The following UBL7 variants were observed in gnomAD, a reference collection of about 807,000 sequenced individuals.
UBL7 encodes ubiquitin like 7.
Under a neutral mutation model 41.7 loss-of-function variants are expected in UBL7, and 21 were observed. That is an observed-to-expected ratio of 0.50 (90% CI 0.36 to 0.73). UBL7 has a LOEUF of 0.73. Among genes scored for constraint, UBL7 ranks in the 30% least tolerant of loss-of-function variants. The probability of loss-of-function intolerance (pLI) is 0.00; values close to 1 mark genes in which losing one functional copy is unlikely to be tolerated. For synonymous variants in UBL7, 157 were observed against 186.9 expected, an observed-to-expected ratio of 0.84 and a Z score of 1.31; for missense variants, 403 against 478.4, an observed-to-expected ratio of 0.84 and a Z score of 1.47.
At chr15:74,448,446 C>T in intron 10 of UBL7, 32 bp downstream of exon 10, 1 of 1,611,778 alleles carries the variant, frequency 6.2e-7, no homozygotes. Context: ...ACAAGGAAGC[C>T]ACATGGAAAC....
chr15:74,449,749 T>G, intron 7 of UBL7, 74 bp from the exon 8 acceptor site: 1 of 1,595,534 alleles, frequency 6.3e-7, no homozygotes, highest in South Asian at 1.1e-5. Context: ...TCAGCTCAAG[T>G]TACTCTCCAA....
In UBL7 at chr15:74,461,130, C is replaced by G. The variant is rs896585789; in HGVS notation, c.-123G>C. 1.0e-6 allele frequency: 1 copy of G among 997,044 alleles called. No individual in the cohort carries two copies. The highest frequency in any genetic ancestry group is 5.7e-5 in the Admixed American group (1 of 17,556). 61.8% of individuals were successfully genotyped at this position (997,044 alleles called of 1,614,324 possible). ...CACCCGTCCCGCGGAAGGAACCCGG[C>G]CGCACTGCCGCCGGTGTAAACACTC... On this transcript the variant is annotated 5_prime_UTR_variant, in exon 1 of 11. Coordinates refer to ENST00000395081, the MANE Select transcript of UBL7 (RefSeq NM_032907.5).
chr15:74,448,750 T>A, intron 9 of UBL7, 150 bp from the exon 10 acceptor site: 1 of 1,157,104 alleles, frequency 8.6e-7, no homozygotes, highest in Non-Finnish European at 1.2e-6. Flanking sequence ...CAAACAAAGG[T>A]AACTAGAAGC....
At chr15:74,452,911 C>G (rs1442080786) in intron 3 of UBL7, among the ~76,000 whole-genome samples, 2 of 152,128 alleles carry the variant, frequency 1.3e-5, no homozygotes, top group African/African-American at 4.8e-5. Context: ...GGGGTTTCAC[C>G]ATATTGGTCA....
intron 2 of UBL7, among the ~76,000 whole-genome samples, chr15:74,456,954 C>T (rs112717743): frequency 0.2 from 30,599 of 151,956 alleles, 4,498 homozygotes; most frequent in African/African-American, 0.37. Flanking sequence ...GGACTACAGG[C>T]ACATGCCACC....
chr15:74,451,279 G>A (rs530317113), intron 5 of UBL7, among the ~76,000 whole-genome samples, 157 bp downstream of exon 5: 1 of 152,282 alleles, frequency 6.6e-6, no homozygotes, highest in South Asian at 2.1e-4. Flanking sequence ...AGCTCTTAAA[G>A]GGCTGGGGAT....
rs577487959 is a variant in UBL7 at position 74,455,863 on chromosome 15, G to A, written c.304+689C>T. ...TTGAAGGCCGGGTACAGTGGCTCAC[G>A]CCTTTAATCCCAGCACTTTGGGAGG... On this transcript the variant is annotated intron_variant, in intron 3 of 10. Transcript: ENST00000395081. 1.5e-3 allele frequency among the ~76,000 whole-genome samples: 227 copies of A among 152,168 alleles called. 1 individual carries two copies. The highest frequency in any genetic ancestry group is 5.2e-3 in the African/African-American group (216 of 41,532).
chr15:74,452,406 C>T (rs1442063237), intron 3 of UBL7, 28 bp from the exon 4 acceptor site: 1 of 1,550,638 alleles, frequency 6.4e-7, no homozygotes, highest in Non-Finnish European at 8.7e-7. Flanking sequence ...CAGAGTTACC[C>T]TATAGCGCAG....
chr15:74,449,953 G>A lies in UBL7; in HGVS notation c.647C>T (p.Ser216Leu). The A allele has an allele frequency of 6.2e-7, 1 of 1,612,764 alleles. No individual in the cohort carries two copies. The highest frequency in any genetic ancestry group is 8.5e-7 in the Non-Finnish European group (1 of 1,179,554). The change falls in exon 7 of 11, where the codon TCA becomes TTA. Residue 216 changes from serine to leucine, a missense_variant. Transcript: ENST00000395081. Reference protein sequence around the residue: ...DSSSRSMPSSSYRDMPGGFLF... With the variant: ...DSSSRSMPSSLYRDMPGGFLF... ...GCGCTCACCTGGCATATCCCGGTAT[G>A]AGCTGGAGGGCATGCTCCGGGAAGA... is the stretch of plus-strand genomic sequence containing the variant.
intron 6 of UBL7, 65 bp from the exon 7 acceptor site, chr15:74,450,134 G>A (rs764734329): frequency 4.0e-6 from 6 of 1,506,792 alleles, no homozygotes; most frequent in Non-Finnish European, 5.4e-6. Context: ...CATAACAGGA[G>A]TTCTGGGTGC....
chr15:74,458,594 C>G (rs1159405053), intron 2 of UBL7, 90 bp downstream of exon 2: 1 of 1,167,572 alleles, frequency 8.6e-7, no homozygotes, highest in Admixed American at 2.1e-5. Flanking sequence ...CAACAAATCC[C>G]AAGCCCTTAC....
chr15:74,457,247 C>T (rs185986640), intron 2 of UBL7, among the ~76,000 whole-genome samples: 39 of 152,268 alleles, frequency 2.6e-4, no homozygotes, highest in African/African-American at 8.7e-4. Context: ...AAACCTGGGC[C>T]ATGGCGAAAA....
chr15:74,458,813 G>C lies in UBL7; in HGVS notation c.55C>G (p.Pro19Ala). Residue 19 changes from proline to alanine, a missense_variant, in exon 2 of 11, where the codon CCA (proline) becomes GCA (alanine). Pro to Ala is a conservative substitution (Grantham distance 27). Transcript: ENST00000395081. ...TCTGGCAACCGAAGAATAGACTTTG[G>C]AGTAAGTGGCTGGTCAGCCAGCTTC... is the stretch of plus-strand genomic sequence containing the variant. ...AVKLADQPLT[P>A]KSILRLPETE... 1.2e-6 allele frequency: 2 copies of C among 1,613,476 alleles called. No homozygotes were observed. Among genetic ancestry groups the C allele is most frequent in the South Asian group, 2.2e-5 (2 of 91,084 alleles).
chr15:74,457,057 C>T (rs1317237628), intron 2 of UBL7, among the ~76,000 whole-genome samples: 1 of 152,220 alleles, frequency 6.6e-6, no homozygotes, highest in African/African-American at 2.4e-5. Context: ...AGGGATCCTC[C>T]TGCCTTAGCC....
intron 8 of UBL7, 85 bp downstream of exon 8, chr15:74,449,541 G>T: frequency 6.2e-7 from 1 of 1,602,344 alleles, no homozygotes. Flanking sequence ...CCAGCCTTGG[G>T]AGTGCCAGGT....
At chr15:74,453,459 A>C (rs939465823) in intron 3 of UBL7, among the ~76,000 whole-genome samples, 1 of 152,194 alleles carries the variant, frequency 6.6e-6, no homozygotes, top group African/African-American at 2.4e-5. Context: ...GGGAGGGTGA[A>C]GATAGACAGC....
At chr15:74,457,092 G>A (rs1034124975) in intron 2 of UBL7, among the ~76,000 whole-genome samples, 6 of 152,306 alleles carry the variant, frequency 3.9e-5, no homozygotes, top group Admixed American at 2.0e-4. Context: ...GATGACAGGC[G>A]TGAACCACCA....
At chr15:74,447,878 G>C (rs2061200323) in intron 10 of UBL7, among the ~76,000 whole-genome samples, 1 of 152,178 alleles carries the variant, frequency 6.6e-6, no homozygotes, top group African/African-American at 2.4e-5. Context: ...TAGCCTTGTA[G>C]TTTTGAGTAT....
chr15:74,456,586 C>T lies in UBL7; in HGVS notation c.270G>A (p.Leu90=). The T allele has an allele frequency of 1.9e-6, 3 of 1,614,112 alleles. No individual in the cohort carries two copies. Among genetic ancestry groups the T allele is most frequent in the Non-Finnish European group, 2.5e-6 (3 of 1,179,998 alleles). Residue 90 remains leucine (L), a synonymous_variant, in exon 3 of 11, where the codon CTG becomes CTA. Coordinates refer to ENST00000395081, the MANE Select transcript of UBL7 (RefSeq NM_032907.5). The part of the protein sequence containing the change: ...GIQPGSTVHV[L]RKSWPEPDQK... ...GATCAGGTTCAGGCCAGGACTTTCGCAGAACATGGACAGTGGACCCAGGTT... is the reference window on the plus strand; with the variant it reads ...GATCAGGTTCAGGCCAGGACTTTCGTAGAACATGGACAGTGGACCCAGGTT...
Sources: gnomAD v4.1 joint callset for allele counts (sites outside exome capture counted in the v4.1 genomes callset) on GRCh38, gnomAD v4.1.1 for gene constraint, MANE v1.5 for transcripts, NCBI Gene and HGNC (gene_info 2026-07-23, HGNC 2026-07-21) for gene names.